The following TRAPPC11 variants were observed in gnomAD, a reference collection of about 807,000 sequenced individuals.
TRAPPC11 encodes foie gras homolog.
A neutral mutation model predicts 151.2 loss-of-function variants in TRAPPC11; 104 were observed. The ratio of observed to expected loss-of-function variants is 0.69; its 90% CI spans 0.59 to 0.81. TRAPPC11 has a LOEUF of 0.81. TRAPPC11 is among the 30% of genes least tolerant of loss of function. The pLI, the probability that TRAPPC11 is intolerant of heterozygous loss-of-function variation, is 0.00. For synonymous variants in TRAPPC11, 456 were observed against 472.3 expected (o/e 0.97, Z 0.45); for missense variants, 1,230 against 1,349.6 (o/e 0.91, Z 1.39).
In TRAPPC11 at chr4:183,685,404, G is replaced by C; in HGVS notation, c.1762+1G>C. On this transcript the variant is annotated splice_donor_variant, in intron 17 of 29. Transcript: ENST00000334690. LOFTEE classifies it high-confidence loss of function. ...GGAGTACAGGACTTTGTGCCATTTG[G>C]TAGGTAGCTAACATCTACAGTACTA... 6.2e-7 allele frequency: 1 copy of C among 1,612,318 alleles called. No individual in the cohort carries two copies. Among genetic ancestry groups the C allele is most frequent in the Non-Finnish European group, 8.5e-7 (1 of 1,178,504 alleles).
chr4:183,673,454 G>A (rs550896654), intron 5 of TRAPPC11, among the ~76,000 whole-genome samples: 18 of 151,856 alleles, frequency 1.2e-4, no homozygotes, highest in South Asian at 2.1e-4. Flanking sequence ...CATTTGGATC[G>A]TTTAAGTCCA....
intron 10 of TRAPPC11, among the ~76,000 whole-genome samples, 191 bp downstream of exon 10, chr4:183,680,458 CAGA>C (rs778929891): frequency 1.7e-4 from 26 of 152,060 alleles, no homozygotes; most frequent in Non-Finnish European, 2.9e-4. Flanking sequence ...GTGAATTGAG[CAGA>C]AGTTTTTCTT....
At position 183,668,062 on chromosome 4, in the gene TRAPPC11, G is replaced by A; in HGVS notation, c.505G>A (p.Gly169Arg). 1 of 1,614,010 alleles carries A rather than the reference G, an allele frequency of 6.2e-7. No homozygotes were observed. Among genetic ancestry groups the A allele is most frequent in the Non-Finnish European group, 8.5e-7 (1 of 1,179,890 alleles). The change falls in exon 5 of 30, where the codon GGA becomes AGA. Residue 169 changes from glycine (G) to arginine (R), a missense_variant. Gly to Arg is a moderately radical substitution (Grantham distance 125). Transcript: ENST00000334690. ...AALCNACELS[G>R]KSLFVLPHTD... is the part of the protein sequence containing the mutation. ...TTTATGCAATGCATGTGAACTCTCA[G>A]GAAAGTCTTTGTTTGTACTGCCGCA... is the stretch of plus-strand genomic sequence containing the variant.
Position 183,686,544 on chromosome 4 carries a change from A to G in TRAPPC11, c.1763-74A>G, listed in dbSNP as rs543337087. The G allele has an allele frequency of 1.0e-4, 156 of 1,550,428 alleles. 2 individuals carry two copies. The South Asian group carries it at 1.6e-3, about 16-fold the overall frequency. ...GCAGATGTGTCTTTCTGAAGAATCA[A>G]TTTGGTTAACAGGATGTGTGTGGGT... On this transcript the variant is annotated intron_variant, in intron 17 of 29. Coordinates refer to ENST00000334690, the MANE Select transcript of TRAPPC11 (RefSeq NM_021942.6).
intron 2 of TRAPPC11, among the ~76,000 whole-genome samples, chr4:183,665,929 C>CTTTTTTTTTTTTT (rs11462767): frequency 2.6e-4 from 36 of 137,890 alleles, no homozygotes; most frequent in Non-Finnish European, 2.5e-4. Flanking sequence ...AAATGGGCTA[C>CTTTTTTTTTTTTT]TTTTTTTTTT....
intron 18 of TRAPPC11, among the ~76,000 whole-genome samples, chr4:183,687,014 A>G (rs563901759): frequency 1.3e-5 from 2 of 152,210 alleles, no homozygotes; most frequent in Admixed American, 1.3e-4. Context: ...CCCCGTCTCT[A>G]CTAAAAATAC....
intron 22 of TRAPPC11, 99 bp from the exon 23 acceptor site, chr4:183,694,505 T>C (rs1188957480): frequency 8.2e-7 from 1 of 1,212,962 alleles, no homozygotes; most frequent in Non-Finnish European, 1.2e-6. Context: ...AGCCAGTTGG[T>C]ATAAATAAAC....
Position 183,705,018 on chromosome 4 carries a change from C to T in TRAPPC11, c.3003C>T (p.Val1001=), listed in dbSNP as rs747256693. ...AMENIPIITT[V]ITLPHVIVEN... is the part of the protein sequence containing the mutation. ...AGAATATCCCCATCATCACAACTGTCATCACTCTGCCGCACGTGATTGTGG... is the reference window on the plus strand; with the variant it reads ...AGAATATCCCCATCATCACAACTGTTATCACTCTGCCGCACGTGATTGTGG... Residue 1001 remains valine, a synonymous_variant, in exon 27 of 30, where the codon GTC becomes GTT. Transcript: ENST00000334690. 33 of 1,602,524 alleles carry T rather than the reference C, an allele frequency of 2.1e-5. No individual in the cohort carries two copies. Among genetic ancestry groups the T allele is most frequent in the Admixed American group, 1.0e-4 (6 of 59,956 alleles).
At chr4:183,685,239 G>T in intron 16 of TRAPPC11, 32 bp from the exon 17 acceptor site, 1 of 1,610,802 alleles carries the variant, frequency 6.2e-7, no homozygotes, top group Non-Finnish European at 8.5e-7. Context: ...TATTCAACTA[G>T]TTGAATGGAT....
At position 183,687,183 on chromosome 4, in the gene TRAPPC11, A is replaced by AAT. The variant is rs534572257; in HGVS notation, c.1893+450_1893+451dup. ...TGACAGAGCAAGATCTGTGTCAAAA[A>AAT]ATATATATATATATATGTTTCTAAA... On this transcript the variant is annotated intron_variant, in intron 18 of 29. Coordinates refer to ENST00000334690, the MANE Select transcript of TRAPPC11 (RefSeq NM_021942.6). 6.6e-3 allele frequency among the ~76,000 whole-genome samples: 998 copies of AAT among 150,232 alleles called. 9 individuals carry two copies. Among genetic ancestry groups the AAT allele is most frequent in the South Asian group, 0.021 (99 of 4,744 alleles).
intron 29 of TRAPPC11, among the ~76,000 whole-genome samples, chr4:183,711,271 G>A (rs1172233233): frequency 2.0e-5 from 3 of 152,152 alleles, no homozygotes; most frequent in Non-Finnish European, 4.4e-5. Flanking sequence ...TGACTATTGA[G>A]ATTCAGTTTA....
In TRAPPC11 at chr4:183,664,029, G is replaced by C. The variant is rs774994182; in HGVS notation, c.162G>C (p.Lys54Asn). 4.0e-5 allele frequency: 64 copies of C among 1,613,578 alleles called. No homozygotes were observed. Among genetic ancestry groups the C allele is most frequent in the Non-Finnish European group, 5.3e-5 (62 of 1,180,014 alleles). ...RRADRVPISF[K>N]VLPGDHEYPK... ...CTGATCGAGTACCAATTTCTTTCAA[G>C]GTGCTCCCAGGTGACCATGAGTATC... The change falls in exon 2 of 30, where the codon AAG becomes AAC. Residue 54 changes from lysine to asparagine, a missense_variant. Lys to Asn is a moderately conservative substitution (Grantham distance 94). Transcript: ENST00000334690.
Position 183,691,409 on chromosome 4 carries a change from A to G in TRAPPC11, c.1987A>G (p.Lys663Glu). 6.5e-7 allele frequency: 1 copy of G among 1,547,076 alleles called. No homozygotes were observed. The highest frequency in any genetic ancestry group is 8.8e-7 in the Non-Finnish European group (1 of 1,138,540). The change falls in exon 19 of 30, where the codon AAA (lysine) becomes GAA (glutamate). Residue 663 changes from lysine to glutamate, a missense_variant. By Grantham distance (56) the Lys-to-Glu change is moderately conservative. Coordinates refer to ENST00000334690, the MANE Select transcript of TRAPPC11 (RefSeq NM_021942.6). Reference protein sequence around the residue: ...TQGKMCLVPGKTRKLLFKFVA... With the variant: ...TQGKMCLVPGETRKLLFKFVA... ...AGGAAAGATGTGCCTAGTTCCTGGCAAAACAAGAAAACTGTTATTTAAGTT... is the reference window on the plus strand; with the variant it reads ...AGGAAAGATGTGCCTAGTTCCTGGCGAAACAAGAAAACTGTTATTTAAGTT...
At chr4:183,682,123 G>A (rs1328851077) in intron 10 of TRAPPC11, among the ~76,000 whole-genome samples, 1 of 152,198 alleles carries the variant, frequency 6.6e-6, no homozygotes, top group Non-Finnish European at 1.5e-5. Context: ...TTGTGCATGT[G>A]AAATCTGGAA....
At chr4:183,673,500 C>T (rs2111326592) in intron 5 of TRAPPC11, among the ~76,000 whole-genome samples, 1 of 152,062 alleles carries the variant, frequency 6.6e-6, no homozygotes, top group South Asian at 2.1e-4. Flanking sequence ...ATGGTGAAAC[C>T]CCGTCTCTAC....
intron 18 of TRAPPC11, among the ~76,000 whole-genome samples, chr4:183,687,366 G>T (rs183538236): frequency 1.1e-3 from 162 of 151,674 alleles, no homozygotes; most frequent in African/African-American, 3.8e-3. Context: ...TTGAGACGGG[G>T]TCTCGCTCTG....
intron 20 of TRAPPC11, 74 bp downstream of exon 20, chr4:183,693,221 T>C: frequency 7.2e-7 from 1 of 1,392,056 alleles, no homozygotes; most frequent in Admixed American, 2.4e-5. Context: ...GGAGACAGAG[T>C]CTCTCTCTTG....
chr4:183,666,337 C>T lies in TRAPPC11; in HGVS notation c.285C>T (p.Ala95=). The change falls in exon 3 of 30, where the codon GCC becomes GCT. Residue 95 remains alanine, a synonymous_variant. Transcript: ENST00000334690. ...WMNKHLNLVP[A]LVVVFYELDW... ...ATAAGCATCTGAATCTGGTGCCAGC[C>T]CTGGTGGTTGTGTTCTATGAACTGG... is the stretch of plus-strand genomic sequence containing the variant. The T allele has an allele frequency of 6.2e-7, 1 of 1,614,054 alleles. No individual in the cohort carries two copies. Among genetic ancestry groups the T allele is most frequent in the African/African-American group, 1.3e-5 (1 of 75,002 alleles).
chr4:183,691,441 A>G lies in TRAPPC11; in HGVS notation c.2019A>G (p.Ala673=), dbSNP rs1157418662. 6.6e-7 allele frequency: 1 copy of G among 1,512,554 alleles called. No individual in the cohort carries two copies. Among genetic ancestry groups the G allele is most frequent in the African/African-American group, 1.4e-5 (1 of 73,812 alleles). 93.7% of individuals were successfully genotyped at this position (1,512,554 alleles called of 1,614,324 possible). A position where few individuals can be genotyped will look rare whatever the true frequency, so the allele number is the denominator to read the frequency against. Residue 673 remains alanine (A), a synonymous_variant, in exon 19 of 30, where the codon GCA becomes GCG. Transcript: ENST00000334690. ...KTRKLLFKFV[A]KTEDVGKKIE... is the part of the protein sequence containing the mutation. ...GAAAACTGTTATTTAAGTTTGTTGCAAAAACTGAAGATGTGGGAAAGAAAA... is the reference window on the plus strand; with the variant it reads ...GAAAACTGTTATTTAAGTTTGTTGCGAAAACTGAAGATGTGGGAAAGAAAA...
Sources: allele counts gnomAD v4.1 joint callset (sites outside exome capture counted in the v4.1 genomes callset), GRCh38; gene constraint gnomAD v4.1.1; transcripts MANE v1.5; gene names NCBI Gene and HGNC (gene_info 2026-07-23, HGNC 2026-07-21).